OR51B5: variants seen among roughly 807,000 people sequenced by gnomAD.
OR51B5 encodes the protein olfactory receptor 51B5.
For missense variants in OR51B5, 456 were observed against 374.6 expected (o/e 1.22, Z -1.79); for synonymous variants, 186 against 144.8 (o/e 1.28, Z -2.04).
At chr11:5,454,121 G>GT in intron 1 of OR51B5, 2 of 1,614,164 alleles carry the variant, frequency 1.2e-6, no homozygotes, top group South Asian at 2.2e-5. Context: ...GCATGGACCT[G>GT]TTTTTTATCT....
chr11:5,389,875 TG>T (rs1849766158), intron 1 of OR51B5: 1 of 1,613,450 alleles, frequency 6.2e-7, no homozygotes, highest in African/African-American at 1.3e-5. Flanking sequence ...CAGGCCTAAT[TG>T]TCATCTTCCG....
intron 1 of OR51B5, among the ~76,000 whole-genome samples, chr11:5,397,238 A>T (rs999620826): frequency 1.3e-5 from 2 of 152,246 alleles, no homozygotes; most frequent in African/African-American, 4.8e-5. Flanking sequence ...TCTGCACAGC[A>T]AAAGAAACTA....
At chr11:5,447,227 A>G (rs1464427779) in intron 1 of OR51B5, among the ~76,000 whole-genome samples, 1 of 152,214 alleles carries the variant, frequency 6.6e-6, no homozygotes, top group East Asian at 1.9e-4. Flanking sequence ...GACTCTTTAT[A>G]TCACACCTAT....
Position 5,429,080 on chromosome 11 carries a change from T to C in OR51B5, n.84+76489A>G, listed in dbSNP as rs528927727. On this transcript the variant is annotated intron_variant and non_coding_transcript_variant, in intron 1 of 4. Coordinates refer to the OR51B5 transcript ENST00000415970. Reference sequence around the variant, plus strand: ...GACTTGTAACTCATGACTCAGCTGGTCCTCTGCACCCACCACACACAGAGC... The same window carrying C: ...GACTTGTAACTCATGACTCAGCTGGCCCTCTGCACCCACCACACACAGAGC... Among the ~76,000 whole-genome samples, 362 of 152,240 alleles carry C rather than the reference T, an allele frequency of 2.4e-3. 4 individuals carry two copies. Among genetic ancestry groups the C allele is most frequent in the South Asian group, 0.018 (85 of 4,810 alleles).
At chr11:5,351,708 A>T in intron 1 of OR51B5, 2 of 1,614,092 alleles carry the variant, frequency 1.2e-6, no homozygotes, top group East Asian at 2.2e-5. Context: ...TGGCAGCTAC[A>T]GACCTCGGAG....
intron 1 of OR51B5, among the ~76,000 whole-genome samples, chr11:5,411,937 A>C (rs1850154622): frequency 6.6e-6 from 1 of 152,202 alleles, no homozygotes; most frequent in Non-Finnish European, 1.5e-5. Flanking sequence ...AGCCTTGAGA[A>C]AGCAAGGTGG....
At chr11:5,402,598 T>C (rs771750363) in intron 1 of OR51B5, 1 of 468,920 alleles carries the variant, frequency 2.1e-6, no homozygotes, top group South Asian at 1.6e-5. Flanking sequence ...TATGTCAACA[T>C]GAAAATTTCT....
chr11:5,355,553 C>G (rs1849179473), intron 1 of OR51B5: 1 of 152,460 alleles, frequency 6.6e-6, no homozygotes, highest in Non-Finnish European at 1.5e-5. Context: ...CCTATGCCAG[C>G]ATGACCTGAG....
intron 1 of OR51B5, among the ~76,000 whole-genome samples, chr11:5,426,891 A>G (rs1850458932): frequency 6.6e-6 from 1 of 152,226 alleles, no homozygotes; most frequent in Admixed American, 6.5e-5. Flanking sequence ...GAGAAAAGAG[A>G]CTAAAGTCAG....
intron 1 of OR51B5, among the ~76,000 whole-genome samples, chr11:5,384,641 C>A (rs933919106): frequency 1.3e-5 from 2 of 152,224 alleles, no homozygotes; most frequent in African/African-American, 4.8e-5. Context: ...CCTGCCGAGC[C>A]ATCTGGTATA....
chr11:5,401,950 CTCT>C lies in OR51B5; in HGVS notation n.85-55043_85-55041del, dbSNP rs372360834. On this transcript the variant is annotated intron_variant and non_coding_transcript_variant, in intron 1 of 4. Coordinates refer to the OR51B5 transcript ENST00000415970. ...TCCTTTTCTTTTATTATTCTTTCCT[CTCT>C]TCTTTCCTTCCTTCTTTCCTCCTTC... Among the ~76,000 whole-genome samples, 217 of 147,810 alleles carry C rather than the reference CTCT, an allele frequency of 1.5e-3. 1 individual carries two copies. Among genetic ancestry groups the C allele is most frequent in the African/African-American group, 3.9e-3 (156 of 40,068 alleles).
intron 1 of OR51B5, among the ~76,000 whole-genome samples, chr11:5,434,561 C>A (rs1850568837): frequency 6.6e-6 from 1 of 152,082 alleles, no homozygotes; most frequent in Non-Finnish European, 1.5e-5. Flanking sequence ...TCCTGACCTG[C>A]CTCACCTGAA....
At chr11:5,377,079 G>A (rs564217289) in intron 1 of OR51B5, among the ~76,000 whole-genome samples, 12 of 152,140 alleles carry the variant, frequency 7.9e-5, no homozygotes, top group East Asian at 3.9e-4. Context: ...CTGGCAAACC[G>A]AATCCAGCAG....
intron 1 of OR51B5, among the ~76,000 whole-genome samples, chr11:5,373,766 G>C (rs574776353): frequency 0.018 from 2,690 of 152,278 alleles, 40 homozygotes; most frequent in South Asian, 0.024. Context: ...AGGTGGCAGC[G>C]AGGCTGGGGG....
intron 1 of OR51B5, among the ~76,000 whole-genome samples, chr11:5,465,201 G>A (rs1362563266): frequency 7.4e-5 from 3 of 40,652 alleles, no homozygotes; most frequent in African/African-American, 2.0e-4. Flanking sequence ...GCGAGACTCC[G>A]TCTCAAAAAA....
At chr11:5,430,916 T>G in intron 1 of OR51B5, 1 of 457,026 alleles carries the variant, frequency 2.2e-6, no homozygotes, top group South Asian at 1.5e-5. Context: ...CCAGAAGCAA[T>G]GCCCATCACT....
intron 1 of OR51B5, among the ~76,000 whole-genome samples, chr11:5,486,837 T>G (rs972579003): frequency 1.3e-5 from 2 of 152,084 alleles, no homozygotes; most frequent in Non-Finnish European, 2.9e-5. Flanking sequence ...TGCAGTAAAA[T>G]CGTGTTTCTT....
In OR51B5 at chr11:5,471,821, C is replaced by T. The variant is rs117372022; in HGVS notation, n.84+33748G>A. The stretch of plus-strand genomic sequence containing the variant: ...GCTGTGAATTTACTTAGCTTCCTCA[C>T]GTCTTATTTTCACATCTCTAGAATA... On this transcript the variant is annotated intron_variant and non_coding_transcript_variant, in intron 1 of 4. Transcript: ENST00000415970. Among the ~76,000 whole-genome samples the T allele has an allele frequency of 6.6e-3, 1,011 of 152,196 alleles. 6 individuals carry two copies. Among genetic ancestry groups the T allele is most frequent in the South Asian group, 0.015 (72 of 4,816 alleles).
At chr11:5,486,364 G>T (rs1430882262) in intron 1 of OR51B5, among the ~76,000 whole-genome samples, 1 of 152,050 alleles carries the variant, frequency 6.6e-6, no homozygotes, top group Non-Finnish European at 1.5e-5. Context: ...ATTTTTGTCT[G>T]ATTGTTCATT....
Sources: gnomAD v4.1 joint callset for allele counts (sites outside exome capture counted in the v4.1 genomes callset) on GRCh38, gnomAD v4.1.1 for gene constraint, MANE v1.5 for transcripts, NCBI Gene and HGNC (gene_info 2026-07-23, HGNC 2026-07-21) for gene names.